The following UBE2E2 variants were observed in gnomAD, a reference collection of about 807,000 sequenced individuals.
UBE2E2 encodes the protein ubiquitin-conjugating enzyme E2 E2.
Under a neutral mutation model 24.7 loss-of-function variants are expected in UBE2E2, and 6 were observed. The ratio of observed to expected loss-of-function variants is 0.24; its 90% CI spans 0.13 to 0.48. The LOEUF is 0.48. UBE2E2 is among the 20% of genes least tolerant of loss of function. The pLI, the probability that UBE2E2 is intolerant of heterozygous loss-of-function variation, is 0.99. For synonymous variants in UBE2E2, 104 were observed against 83.6 expected, an observed-to-expected ratio of 1.24 and a Z score of -1.33; for missense variants, 169 against 245.0, an observed-to-expected ratio of 0.69 and a Z score of 2.07.
intron 3 of UBE2E2, among the ~76,000 whole-genome samples, chr3:23,273,133 A>G (rs1698291483): frequency 6.6e-6 from 1 of 152,240 alleles, no homozygotes; most frequent in Non-Finnish European, 1.5e-5. Flanking sequence ...GTTGACACAT[A>G]AAATTAATCA....
At chr3:23,479,841 C>A (rs771905170) in intron 3 of UBE2E2, among the ~76,000 whole-genome samples, 4 of 152,232 alleles carry the variant, frequency 2.6e-5, no homozygotes, top group Admixed American at 2.0e-4. Flanking sequence ...CTGGCTGAGT[C>A]TGGGGTTTTT....
chr3:23,452,862 G>A (rs7632099), intron 3 of UBE2E2, among the ~76,000 whole-genome samples: 20,497 of 152,092 alleles, frequency 0.13, 1,461 homozygotes, highest in Middle Eastern at 0.2. Flanking sequence ...TTTTTATGCC[G>A]TCTCTTGAGT....
At chr3:23,421,826 T>C (rs1380566893) in intron 3 of UBE2E2, among the ~76,000 whole-genome samples, 4 of 152,200 alleles carry the variant, frequency 2.6e-5, no homozygotes, top group Non-Finnish European at 5.9e-5. Context: ...TAAGAGTCAT[T>C]AGAGACTCAG....
intron 5 of UBE2E2, among the ~76,000 whole-genome samples, chr3:23,541,303 A>G (rs911867041): frequency 2.0e-5 from 3 of 152,220 alleles, no homozygotes; most frequent in African/African-American, 4.8e-5. Context: ...GCAAGGTGCT[A>G]TCAGTAACAA....
chr3:23,272,713 A>G (rs1452590796), intron 3 of UBE2E2, among the ~76,000 whole-genome samples: 3 of 152,202 alleles, frequency 2.0e-5, no homozygotes, highest in African/African-American at 7.2e-5. Flanking sequence ...GAATTGGCTC[A>G]TGCAATTATG....
intron 4 of UBE2E2, among the ~76,000 whole-genome samples, chr3:23,511,244 G>C (rs571039608): frequency 3.3e-5 from 5 of 152,300 alleles, no homozygotes; most frequent in African/African-American, 1.2e-4. Context: ...AATCTCCCCT[G>C]TCCCTCATTG....
At chr3:23,591,848 T>A (rs1294668459), downstream of UBE2E2, 1 of 152,166 alleles carries the variant, frequency 6.6e-6, no homozygotes, top group Non-Finnish European at 1.5e-5. Context: ...CACCACAAAG[T>A]TTTTTATTTT....
intron 5 of UBE2E2, among the ~76,000 whole-genome samples, chr3:23,543,655 A>G (rs923347159): frequency 3.9e-5 from 6 of 152,192 alleles, no homozygotes; most frequent in African/African-American, 9.6e-5. Flanking sequence ...AAAGCAATCT[A>G]CAGATTCAGT....
chr3:23,571,323 T>C (rs1696224114), intron 5 of UBE2E2, among the ~76,000 whole-genome samples: 1 of 135,750 alleles, frequency 7.4e-6, no homozygotes, highest in Non-Finnish European at 1.5e-5. Flanking sequence ...AGAGTCTCGC[T>C]CTGTCAGATA....
Position 23,580,207 on chromosome 3 carries a change from T to G in UBE2E2, c.509-9527T>G, listed in dbSNP as rs188492999. ...AGGATTTAAGAGGCTTGATTCCGAT[T>G]TTGAAAGAAGTTCTGTAAGTGAAAT... On this transcript the variant is annotated intron_variant, in intron 5 of 5. Transcript: ENST00000396703. Among the ~76,000 whole-genome samples the G allele has an allele frequency of 2.6e-5, 4 of 152,368 alleles. No homozygotes were observed. The East Asian group carries it at 7.7e-4, about 29-fold the overall frequency.
intron 5 of UBE2E2, among the ~76,000 whole-genome samples, chr3:23,553,731 G>A (rs7634117): frequency 0.65 from 99,062 of 151,862 alleles, 33,538 homozygotes; most frequent in African/African-American, 0.84. Flanking sequence ...AGATAGAAAA[G>A]TCCATGGCAT....
intron 3 of UBE2E2, among the ~76,000 whole-genome samples, chr3:23,251,785 G>A (rs1394674602): frequency 6.6e-6 from 1 of 152,112 alleles, no homozygotes; most frequent in Non-Finnish European, 1.5e-5. Context: ...GACTATTTAT[G>A]TATTAGGAGA....
At chr3:23,270,671 A>G (rs1559327789) in intron 3 of UBE2E2, among the ~76,000 whole-genome samples, 1 of 152,220 alleles carries the variant, frequency 6.6e-6, no homozygotes, top group Admixed American at 6.5e-5. Context: ...TTGCCAAAAA[A>G]GAAGGAAATG....
At chr3:23,423,969 C>T (rs1483254094) in intron 3 of UBE2E2, among the ~76,000 whole-genome samples, 1 of 152,136 alleles carries the variant, frequency 6.6e-6, no homozygotes, top group Non-Finnish European at 1.5e-5. Context: ...AGTTTAGTTA[C>T]TGAGTCTGGT....
At chr3:23,394,826 G>T (rs1327228260) in intron 3 of UBE2E2, among the ~76,000 whole-genome samples, 3 of 152,116 alleles carry the variant, frequency 2.0e-5, no homozygotes, top group African/African-American at 4.8e-5. Context: ...CCTTTGAATA[G>T]CCAGCTTTCA....
intron 3 of UBE2E2, among the ~76,000 whole-genome samples, chr3:23,249,403 G>T (rs1429944603): frequency 2.0e-5 from 3 of 152,148 alleles, no homozygotes; most frequent in Non-Finnish European, 4.4e-5. Context: ...AAAAATACTG[G>T]ATATATGGTA....
chr3:23,584,222 T>G (rs992850665), intron 5 of UBE2E2, among the ~76,000 whole-genome samples: 39 of 152,226 alleles, frequency 2.6e-4, no homozygotes, highest in Non-Finnish European at 3.2e-4. Flanking sequence ...CATTTGTTGA[T>G]TTGCATGTGT....
intron 4 of UBE2E2, among the ~76,000 whole-genome samples, chr3:23,504,015 T>A (rs1033013756): frequency 7.9e-5 from 12 of 152,082 alleles, no homozygotes; most frequent in African/African-American, 2.7e-4. Context: ...GGGAAAAAAA[T>A]TTGCCTGTAA....
chr3:23,525,125 T>G (rs1437641537), intron 4 of UBE2E2, among the ~76,000 whole-genome samples: 1 of 152,142 alleles, frequency 6.6e-6, no homozygotes, highest in African/African-American at 2.4e-5. Flanking sequence ...CTCACATCAC[T>G]TATCACATCC....
Sources: allele counts gnomAD v4.1 joint callset (sites outside exome capture counted in the v4.1 genomes callset), GRCh38; gene constraint gnomAD v4.1.1; transcripts MANE v1.5; gene names NCBI Gene and HGNC (gene_info 2026-07-23, HGNC 2026-07-21).